KCNJ15: variants seen among roughly 807,000 people sequenced by gnomAD.
KCNJ15 encodes the protein potassium inwardly rectifying channel subfamily J member 15, also known as ATP-sensitive inward rectifier potassium channel 15.
Under a neutral mutation model 23.0 loss-of-function variants are expected in KCNJ15, and 14 were observed. That is an observed-to-expected ratio of 0.61 (90% CI 0.40 to 0.95). The LOEUF (loss-of-function observed/expected upper bound fraction) is 0.95. KCNJ15 is among the 40% of genes least tolerant of loss of function. KCNJ15 has a pLI of 0.00. For missense variants in KCNJ15, 388 were observed against 461.8 expected, an observed-to-expected ratio of 0.84 and a Z score of 1.46; for synonymous variants, 185 against 183.2, an observed-to-expected ratio of 1.01 and a Z score of -0.08.
rs1986021657 is a variant in KCNJ15 at position 38,305,319 on chromosome 21, G to A, written c.*4930G>A. ...ATTCAAATTCAAATTAGGAATTTATGGACATTCAGATATCCACATATTTGA... is the reference window on the plus strand; with the variant it reads ...ATTCAAATTCAAATTAGGAATTTATAGACATTCAGATATCCACATATTTGA... On this transcript the variant is annotated 3_prime_UTR_variant, in exon 3 of 3. Coordinates refer to ENST00000398938, the MANE Select transcript of KCNJ15 (RefSeq NM_170736.3). The A allele has an allele frequency of 1.3e-5, 2 of 152,160 alleles. No homozygotes were observed. Among genetic ancestry groups the A allele is most frequent in the South Asian group, 4.1e-4 (2 of 4,836 alleles). The allele number at this position is 152,160 out of a possible 1,614,324, so 9.4% of individuals were successfully genotyped here.
intron 2 of KCNJ15, among the ~76,000 whole-genome samples, chr21:38,297,280 CAG>C (rs1985258088): frequency 2.0e-5 from 3 of 152,168 alleles, no homozygotes; most frequent in Admixed American, 6.5e-5. Flanking sequence ...AAAGAGGAAA[CAG>C]ATACAGTTCA....
upstream of KCNJ15, among the ~76,000 whole-genome samples, chr21:38,253,189 C>T (rs1160304035): frequency 6.6e-6 from 1 of 152,184 alleles, no homozygotes; most frequent in African/African-American, 2.4e-5. Context: ...TTCCCCACAC[C>T]ACTTTGGGTT....
chr21:38,292,937 C>G (rs1984767411), intron 1 of KCNJ15, among the ~76,000 whole-genome samples: 2 of 149,518 alleles, frequency 1.3e-5, no homozygotes, highest in African/African-American at 2.5e-5. Context: ...CCACTGCACT[C>G]CAGCCTGCGT....
intron 1 of KCNJ15, among the ~76,000 whole-genome samples, chr21:38,240,653 T>C (rs1171413181): frequency 6.6e-6 from 1 of 152,252 alleles, no homozygotes; most frequent in African/African-American, 2.4e-5. Flanking sequence ...TATTTTCTTA[T>C]GGGTAAAGTT....
In KCNJ15 at chr21:38,266,265, C is replaced by T. The variant is rs572507809; in HGVS notation, c.-117+9080C>T. On this transcript the variant is annotated intron_variant, in intron 1 of 2. Transcript: ENST00000398938. ...AACCCGTCATCTACATTAGGTATTTCTCCTAATGCTCTCCCTCCTCTAGCT... is the reference window on the plus strand; with the variant it reads ...AACCCGTCATCTACATTAGGTATTTTTCCTAATGCTCTCCCTCCTCTAGCT... Among the ~76,000 whole-genome samples the T allele has an allele frequency of 7.2e-5, 11 of 152,306 alleles. No homozygotes were observed. In the South Asian group the frequency reaches 2.3e-3, roughly 32 times the overall value.
chr21:38,262,192 T>C lies in KCNJ15; in HGVS notation c.-117+5007T>C, dbSNP rs138768064. Among the ~76,000 whole-genome samples, 104 of 152,302 alleles carry C rather than the reference T, an allele frequency of 6.8e-4. 1 individual carries two copies. In the East Asian group the frequency reaches 0.013, roughly 20 times the overall value. On this transcript the variant is annotated intron_variant, in intron 1 of 2. Transcript: ENST00000398938. Reference sequence around the variant, plus strand: ...AAATTTGAAAAGTTTATCCTCTGCTTTGAAAGTTTATGAAATTTGTCATCA... The same window carrying C: ...AAATTTGAAAAGTTTATCCTCTGCTCTGAAAGTTTATGAAATTTGTCATCA...
chr21:38,293,049 C>T (rs2082688488), intron 1 of KCNJ15, among the ~76,000 whole-genome samples: 1 of 151,262 alleles, frequency 6.6e-6, no homozygotes, highest in Non-Finnish European at 1.5e-5. Context: ...GGCATATAAT[C>T]CTAAGATAAA....
chr21:38,261,016 C>G (rs937684911), intron 1 of KCNJ15, among the ~76,000 whole-genome samples: 3 of 152,092 alleles, frequency 2.0e-5, no homozygotes, highest in African/African-American at 7.2e-5. Flanking sequence ...TTACAGATAA[C>G]ACGAATCCTC....
intron 1 of KCNJ15, among the ~76,000 whole-genome samples, chr21:38,295,232 G>C (rs1985018841): frequency 6.6e-6 from 1 of 152,180 alleles, no homozygotes; most frequent in Non-Finnish European, 1.5e-5. Flanking sequence ...TCTGCTTTTA[G>C]TAGTGGTATT....
intron 1 of KCNJ15, among the ~76,000 whole-genome samples, chr21:38,235,773 CA>C (rs1279203069): frequency 3.3e-5 from 5 of 152,216 alleles, no homozygotes; most frequent in South Asian, 2.1e-4. Flanking sequence ...TGTGGACTAG[CA>C]AAATTACTAA....
rs1190147277 is a variant in KCNJ15, at chr21:38,303,387, G to T, written c.*2998G>T. On this transcript the variant is annotated 3_prime_UTR_variant, in exon 3 of 3. Coordinates refer to ENST00000398938, the MANE Select transcript of KCNJ15 (RefSeq NM_170736.3). ...CTCAATGAGACCATTAAAAAACGTT[G>T]TGTTCCATTTGAGAAACCAGAGTCA... 2.0e-5 allele frequency: 3 copies of T among 151,960 alleles called. No individual in the cohort carries two copies. The highest frequency in any genetic ancestry group is 4.4e-5 in the Non-Finnish European group (3 of 67,974). The allele number at this position is 151,960 out of a possible 1,614,324, so 9.4% of individuals were successfully genotyped here.
chr21:38,272,862 C>T (rs540173768), intron 1 of KCNJ15, among the ~76,000 whole-genome samples: 1 of 152,256 alleles, frequency 6.6e-6, no homozygotes, highest in South Asian at 2.1e-4. Flanking sequence ...AATACTTATA[C>T]CCTACACTCT....
chr21:38,231,405 GTTTTTGCAATCTTAA>G (rs1850425980), intron 1 of KCNJ15, among the ~76,000 whole-genome samples: 1 of 151,686 alleles, frequency 6.6e-6, no homozygotes, highest in African/African-American at 2.4e-5. Context: ...TTTTCCTTAT[GTTTTTGCAATCTTAA>G]TTTTTAAGAT....
intron 1 of KCNJ15, among the ~76,000 whole-genome samples, chr21:38,235,139 T>G (rs2123540171): frequency 6.6e-6 from 1 of 152,380 alleles, no homozygotes; most frequent in East Asian, 1.9e-4. Flanking sequence ...ACAGAAACGT[T>G]GCACTCTTTT....
chr21:38,254,909 ATAAT>A (rs1210342571), upstream of KCNJ15, among the ~76,000 whole-genome samples: 5 of 152,244 alleles, frequency 3.3e-5, no homozygotes, highest in Non-Finnish European at 7.3e-5. Flanking sequence ...ATATAAGGAG[ATAAT>A]TAAAGTTCCA....
At position 38,299,909 on chromosome 21, in the gene KCNJ15, C is replaced by T. The variant is rs1372613697; in HGVS notation, c.648C>T (p.Leu216=). The T allele has an allele frequency of 6.2e-7, 1 of 1,614,026 alleles. No individual in the cohort carries two copies. The highest frequency in any genetic ancestry group is 1.3e-5 in the African/African-American group (1 of 75,014). The change falls in exon 3 of 3, where the codon CTC becomes CTT. Residue 216 remains leucine (L), a synonymous_variant. Transcript: ENST00000398938. The surrounding 1 kb of genome is among the most constrained non-coding windows in gnomAD (Gnocchi z 4.5). ...TTCAGTGCCAGCTCTCTGGCAAGCT[C>T]CTGCAGACCCACGTCACCAAGGAGG... ...LLIQCQLSGK[L]LQTHVTKEGE... is the part of the protein sequence containing the mutation.
At chr21:38,261,459 T>C (rs1343448636) in intron 1 of KCNJ15, among the ~76,000 whole-genome samples, 1 of 152,202 alleles carries the variant, frequency 6.6e-6, no homozygotes, top group Non-Finnish European at 1.5e-5. Flanking sequence ...TGAATTAACT[T>C]ATGTAAATTT....
At chr21:38,282,327 T>A (rs961946138) in intron 1 of KCNJ15, among the ~76,000 whole-genome samples, 4 of 152,156 alleles carry the variant, frequency 2.6e-5, no homozygotes, top group African/African-American at 9.7e-5. Flanking sequence ...TTAGAACTCT[T>A]TGTCTATGAT....
intron 1 of KCNJ15, among the ~76,000 whole-genome samples, chr21:38,246,751 G>A (rs1253013778): frequency 6.6e-6 from 1 of 152,192 alleles, no homozygotes; most frequent in Non-Finnish European, 1.5e-5. Context: ...CTGGTATGAG[G>A]AGTGTGTGTG....
Sources: allele counts gnomAD v4.1 joint callset (sites outside exome capture counted in the v4.1 genomes callset), GRCh38; gene constraint gnomAD v4.1.1; non-coding constraint Gnocchi (gnomAD v3.1); transcripts MANE v1.5; gene names NCBI Gene and HGNC (gene_info 2026-07-23, HGNC 2026-07-21).